Variants in STX6 observed in about 807,000 individuals in gnomAD.
STX6 encodes the protein syntaxin 6, also known as syntaxin-6.
A neutral mutation model predicts 38.0 loss-of-function variants in STX6; 23 were observed. The observed-to-expected ratio is 0.60, with a 90% CI of 0.43 to 0.86. STX6 has a LOEUF of 0.86. STX6 is among the 40% of genes least tolerant of loss of function. The probability of loss-of-function intolerance (pLI) is 0.00; values close to 1 mark genes in which losing one functional copy is unlikely to be tolerated. For synonymous variants in STX6, 123 were observed against 107.5 expected, an observed-to-expected ratio of 1.14 and a Z score of -0.89; for missense variants, 274 against 312.9, an observed-to-expected ratio of 0.88 and a Z score of 0.94.
At chr1:180,997,805 A>G (rs1655955866) in intron 3 of STX6, among the ~76,000 whole-genome samples, 1 of 150,812 alleles carries the variant, frequency 6.6e-6, no homozygotes, top group Non-Finnish European at 1.5e-5. Context: ...AAAAAGTTAC[A>G]GATTATCATG....
intron 3 of STX6, among the ~76,000 whole-genome samples, chr1:180,993,864 G>GT (rs11446800): frequency 0.51 from 78,040 of 152,074 alleles, 20,759 homozygotes; most frequent in East Asian, 0.63. Context: ...AAAAGCACGT[G>GT]TTCAAGGGCT....
intron 1 of STX6, among the ~76,000 whole-genome samples, chr1:181,015,957 C>T (rs566260109): frequency 6.6e-6 from 1 of 152,196 alleles, no homozygotes; most frequent in African/African-American, 2.4e-5. Context: ...TCGCACCTGG[C>T]CCACAAATCT....
chr1:181,009,103 T>C (rs973738830), intron 1 of STX6, among the ~76,000 whole-genome samples: 4 of 152,186 alleles, frequency 2.6e-5, no homozygotes, highest in African/African-American at 9.7e-5. Flanking sequence ...TATTTACAAA[T>C]TATATATCTG....
chr1:181,015,784 C>T lies in STX6; in HGVS notation c.35+6855G>A, dbSNP rs926241295. ...AAGCAATTCTCCTGCCTCAGCCTCC[C>T]AAGTAGCTGGGACTACAGGTGCCCA... On this transcript the variant is annotated intron_variant, in intron 1 of 7. Coordinates refer to ENST00000258301, the MANE Select transcript of STX6 (RefSeq NM_005819.6). 2.0e-5 allele frequency among the ~76,000 whole-genome samples: 3 copies of T among 152,072 alleles called. No individual in the cohort carries two copies. In the East Asian group the frequency reaches 5.8e-4, roughly 29 times the overall value.
intron 3 of STX6, among the ~76,000 whole-genome samples, chr1:180,996,513 A>G (rs1479823644): frequency 6.6e-6 from 1 of 152,208 alleles, no homozygotes; most frequent in African/African-American, 2.4e-5. Context: ...GTGAAGGTAT[A>G]TTCTGATACT....
At chr1:181,006,085 G>C (rs1656217733) in intron 1 of STX6, among the ~76,000 whole-genome samples, 1 of 152,002 alleles carries the variant, frequency 6.6e-6, no homozygotes, top group South Asian at 2.1e-4. Context: ...GTTTTTGAGA[G>C]GGAGTCTTAC....
rs149383735 is a variant in STX6, at chr1:181,004,914, T to C, written c.205+380A>G. On this transcript the variant is annotated intron_variant, in intron 2 of 7. Coordinates refer to ENST00000258301, the MANE Select transcript of STX6 (RefSeq NM_005819.6). ...CTCCAAGTAGACAGTGTCAGAAATA[T>C]CATACTGACTTGAGTGTGAGGGTAG... Among the ~76,000 whole-genome samples, 306 of 150,948 alleles carry C rather than the reference T, an allele frequency of 2.0e-3. No individual in the cohort carries two copies. In the Middle Eastern group the frequency reaches 0.021, roughly 10 times the overall value.
chr1:181,006,917 G>A (rs1656238528), intron 1 of STX6, among the ~76,000 whole-genome samples: 1 of 152,206 alleles, frequency 6.6e-6, no homozygotes, highest in Non-Finnish European at 1.5e-5. Flanking sequence ...TATTCATCTA[G>A]TTTAAGGCTT....
intron 4 of STX6, among the ~76,000 whole-genome samples, chr1:180,991,915 T>C (rs1355966331): frequency 1.1e-5 from 1 of 92,238 alleles, no homozygotes; most frequent in African/African-American, 3.7e-5. Context: ...CATGTATATA[T>C]ACTTTATATA....
Position 180,976,458 on chromosome 1 carries a change from C to A in STX6, c.*112G>T. 2.1e-6 allele frequency: 2 copies of A among 936,744 alleles called. No homozygotes were observed. The highest frequency in any genetic ancestry group is 1.4e-5 in the South Asian group (1 of 71,862). The allele number at this position is 936,744 out of a possible 1,614,324, so 58.0% of individuals were successfully genotyped here. A position where few individuals can be genotyped will look rare whatever the true frequency, so the allele number is the denominator to read the frequency against. On this transcript the variant is annotated 3_prime_UTR_variant, in exon 8 of 8. Transcript: ENST00000258301. Reference sequence around the variant, plus strand: ...GTCACACGGAGAAAAGTCAGTGCAGCAGTATGTTTCCAGGATAGGAATGTG... The same window carrying A: ...GTCACACGGAGAAAAGTCAGTGCAGAAGTATGTTTCCAGGATAGGAATGTG...
At chr1:180,976,711 T>C (rs1655267562) in intron 7 of STX6, 65 bp from the exon 8 acceptor site, 1 of 1,466,584 alleles carries the variant, frequency 6.8e-7, no homozygotes, top group Non-Finnish European at 9.5e-7. Flanking sequence ...TACAGTTATA[T>C]GGAATTTATG....
intron 3 of STX6, 81 bp from the exon 4 acceptor site, chr1:180,993,506 C>T (rs1655814440): frequency 1.5e-5 from 11 of 711,530 alleles, no homozygotes; most frequent in Middle Eastern, 3.3e-4. Flanking sequence ...ATTAGCAAAA[C>T]ACACAATTTA....
intron 7 of STX6, among the ~76,000 whole-genome samples, chr1:180,981,464 C>T (rs1655414152): frequency 6.6e-6 from 1 of 152,060 alleles, no homozygotes; most frequent in Non-Finnish European, 1.5e-5. Context: ...CCAACCCCGC[C>T]CTCAACCTCA....
chr1:181,005,360 T>C lies in STX6; in HGVS notation c.139A>G (p.Thr47Ala). The C allele has an allele frequency of 1.2e-6, 2 of 1,614,146 alleles. No homozygotes were observed. Among genetic ancestry groups the C allele is most frequent in the Non-Finnish European group, 1.7e-6 (2 of 1,180,004 alleles). ...TATREEIDWT[T>A]NELRNNLRSI... is the part of the protein sequence containing the mutation. ...CGGAGGTTATTTCTCAGCTCGTTGG[T>C]GGTCCAGTCGATTTCTTCCCTTGTT... Residue 47 changes from threonine (T) to alanine (A), a missense_variant, in exon 2 of 8, where the codon ACC becomes GCC. By Grantham distance (58) the Thr-to-Ala change is moderately conservative (BLOSUM62 0). Coordinates refer to ENST00000258301, the MANE Select transcript of STX6 (RefSeq NM_005819.6).
At chr1:181,014,356 T>G (rs569499194) in intron 1 of STX6, among the ~76,000 whole-genome samples, 2 of 147,358 alleles carry the variant, frequency 1.4e-5, no homozygotes, top group Non-Finnish European at 3.0e-5. Flanking sequence ...ATTGCACCAC[T>G]GCACTCCAGC....
chr1:181,004,747 C>T (rs773489064), intron 2 of STX6, among the ~76,000 whole-genome samples: 55 of 152,096 alleles, frequency 3.6e-4, no homozygotes, highest in Non-Finnish European at 5.1e-4. Flanking sequence ...TAAATTAATT[C>T]GATCTATGGA....
At chr1:181,011,281 A>C (rs1199061242) in intron 1 of STX6, among the ~76,000 whole-genome samples, 1 of 152,250 alleles carries the variant, frequency 6.6e-6, no homozygotes, top group Non-Finnish European at 1.5e-5. Context: ...ATCTTGAAAG[A>C]CAGCCAGAAT....
chr1:180,988,944 TAAG>T (rs1383997712), intron 5 of STX6: 1 of 152,438 alleles, frequency 6.6e-6, no homozygotes, highest in Non-Finnish European at 1.5e-5. Context: ...AATAGCAATT[TAAG>T]TAGACAACTG....
rs1656782852 is a variant in STX6 at position 181,022,755 on chromosome 1, G to A, written c.-82C>T. 2 of 1,426,870 alleles carry A rather than the reference G, an allele frequency of 1.4e-6. No individual in the cohort carries two copies. Among genetic ancestry groups the A allele is most frequent in the African/African-American group, 1.4e-5 (1 of 70,338 alleles). The allele number at this position is 1,426,870 out of a possible 1,614,324, so 88.4% of individuals were successfully genotyped here. A position where few individuals can be genotyped will look rare whatever the true frequency, so the allele number is the denominator to read the frequency against. On this transcript the variant is annotated 5_prime_UTR_variant, in exon 1 of 8. Coordinates refer to ENST00000258301, the MANE Select transcript of STX6 (RefSeq NM_005819.6). ...CGGTCTCCCTCCGCCCACCCCGCCT[G>A]TTCCCGCAGCTGCCCGCGCCTTAGT...
Sources: gnomAD v4.1 joint callset for allele counts (sites outside exome capture counted in the v4.1 genomes callset) on GRCh38, gnomAD v4.1.1 for gene constraint, MANE v1.5 for transcripts, NCBI Gene and HGNC (gene_info 2026-07-23, HGNC 2026-07-21) for gene names.